TRIM35: variants seen among roughly 807,000 people sequenced by gnomAD.
TRIM35 encodes tripartite motif containing 35.
In TRIM35, 37 loss-of-function variants were observed where a neutral mutation model predicts 49.1. The observed-to-expected ratio is 0.75, with a 90% CI of 0.58 to 0.99. The LOEUF is 0.99. Among genes scored for constraint, TRIM35 ranks in the 50% least tolerant of loss-of-function variants. The probability of loss-of-function intolerance (pLI) is 0.00; values close to 1 mark genes in which losing one functional copy is unlikely to be tolerated. For missense variants in TRIM35, 648 were observed against 702.7 expected, an observed-to-expected ratio of 0.92 and a Z score of 0.88; for synonymous variants, 302 against 289.3, an observed-to-expected ratio of 1.04 and a Z score of -0.45.
chr8:27,285,973 T>C lies in TRIM35; in HGVS notation c.*1577A>G, dbSNP rs1802309746. ...ACATCGCCTACCTGGGCCCTCCTTGTGGCCTTAAGTTTTATCTAACCAGTG... is the reference window on the plus strand; with the variant it reads ...ACATCGCCTACCTGGGCCCTCCTTGCGGCCTTAAGTTTTATCTAACCAGTG... On this transcript the variant is annotated 3_prime_UTR_variant, in exon 6 of 6. Transcript: ENST00000305364. 1 of 389,388 alleles carries C rather than the reference T, an allele frequency of 2.6e-6. No individual in the cohort carries two copies. The highest frequency in any genetic ancestry group is 2.1e-5 in the African/African-American group (1 of 47,808). 24.1% of individuals were successfully genotyped at this position (389,388 alleles called of 1,614,324 possible). A position where few individuals can be genotyped will look rare whatever the true frequency, so the allele number is the denominator to read the frequency against.
chr8:27,287,777 G>T lies in TRIM35; in HGVS notation c.1255C>A (p.Pro419Thr), dbSNP rs1802361575. ...HCVTSDPATS[P>T]LVLAIPRRLR... ...CGGCGTGGGATGGCCAGGACCAGGG[G>T]CGACGTGGCTGGGTCCGAGGTCACG... is the stretch of plus-strand genomic sequence containing the variant. Residue 419 changes from proline (P) to threonine (T), a missense_variant, in exon 6 of 6, where the codon CCC becomes ACC. Pro to Thr is a conservative substitution (Grantham distance 38). Coordinates refer to ENST00000305364, the MANE Select transcript of TRIM35 (RefSeq NM_171982.5). The surrounding 1 kb of genome is among the most constrained non-coding windows in gnomAD (Gnocchi z 6.0). 6.2e-7 allele frequency: 1 copy of T among 1,610,192 alleles called. No individual in the cohort carries two copies. The highest frequency in any genetic ancestry group is 8.5e-7 in the Non-Finnish European group (1 of 1,178,666).
In TRIM35 at chr8:27,286,107, C is replaced by T. The variant is rs1262713887; in HGVS notation, c.*1443G>A. On this transcript the variant is annotated 3_prime_UTR_variant, in exon 6 of 6. Coordinates refer to ENST00000305364, the MANE Select transcript of TRIM35 (RefSeq NM_171982.5). ...CAGAAGGCAGGATGCTGTCCTTGGT[C>T]AGGAATGTGACCCAGATTTTAACAC... 1 of 456,212 alleles carries T rather than the reference C, an allele frequency of 2.2e-6. No individual in the cohort carries two copies. Among genetic ancestry groups the T allele is most frequent in the Admixed American group, 2.3e-5 (1 of 42,580 alleles). The allele number at this position is 456,212 out of a possible 1,614,324, so 28.3% of individuals were successfully genotyped here.
chr8:27,301,586 T>G lies in TRIM35; in HGVS notation c.436-3027A>C, dbSNP rs137951959. On this transcript the variant is annotated intron_variant, in intron 1 of 5. Transcript: ENST00000305364. Reference sequence around the variant, plus strand: ...TTCCTAACTGGTTTGTGGGAATTTATTATATATACACAATGTATGTCCTTG... The same window carrying G: ...TTCCTAACTGGTTTGTGGGAATTTAGTATATATACACAATGTATGTCCTTG... 9.9e-3 allele frequency among the ~76,000 whole-genome samples: 1,507 copies of G among 152,356 alleles called. 33 individuals carry two copies. Among genetic ancestry groups the G allele is most frequent in the African/African-American group, 0.034 (1,412 of 41,576 alleles).
chr8:27,288,145 A>C lies in TRIM35; in HGVS notation c.905-18T>G, dbSNP rs370677333. ...GAAGGGTACTGCAAGCAGAGGCGGA[A>C]ATGGGGAATCAGCAAACCTGAGGTC... On this transcript the variant is annotated intron_variant, in intron 5 of 5. Transcript: ENST00000305364. 1.3e-4 allele frequency: 214 copies of C among 1,588,478 alleles called. 3 individuals are homozygous for C. In the African/African-American group the frequency reaches 2.3e-3, roughly 17 times the overall value.
rs749727253 is a variant in TRIM35, at chr8:27,287,727, C to T, written c.1305G>A (p.Glu435=). The change falls in exon 6 of 6, where the codon GAG becomes GAA. Residue 435 remains glutamate (E), a synonymous_variant. Coordinates refer to ENST00000305364, the MANE Select transcript of TRIM35 (RefSeq NM_171982.5). This position sits in a 1 kb window ranked among gnomAD's most constrained non-coding sequence, Gnocchi z 6.0. ...PRRLRVELEC[E]EGELSFYDAE... is the part of the protein sequence containing the mutation. ...CGTCATAGAAAGACAGCTCGCCCTCCTCACACTCCAGCTCCACACGCAGGC... is the reference window on the plus strand; with the variant it reads ...CGTCATAGAAAGACAGCTCGCCCTCTTCACACTCCAGCTCCACACGCAGGC... 1 of 1,610,710 alleles carries T rather than the reference C, an allele frequency of 6.2e-7. No individual in the cohort carries two copies. The highest frequency in any genetic ancestry group is 8.5e-7 in the Non-Finnish European group (1 of 1,178,800).
intron 1 of TRIM35, among the ~76,000 whole-genome samples, chr8:27,300,570 T>C (rs986371455): frequency 1.3e-5 from 2 of 152,198 alleles, no homozygotes; most frequent in African/African-American, 2.4e-5. Flanking sequence ...TGCTAGGAAA[T>C]AGAGAACTAG....
At chr8:27,289,395 C>T in intron 4 of TRIM35, 115 bp from the exon 5 acceptor site, 2 of 796,734 alleles carry the variant, frequency 2.5e-6, no homozygotes, top group East Asian at 5.3e-5. Flanking sequence ...CCCAAGTTTC[C>T]TGGCCACCTT....
intron 3 of TRIM35, among the ~76,000 whole-genome samples, chr8:27,292,676 G>A (rs187019564): frequency 5.3e-4 from 80 of 152,268 alleles, no homozygotes; most frequent in Middle Eastern, 3.4e-3. Flanking sequence ...ACTCAATTTC[G>A]GTAGCAGTTT....
intron 2 of TRIM35, among the ~76,000 whole-genome samples, chr8:27,297,687 G>C (rs147752950): frequency 6.6e-6 from 1 of 152,376 alleles, no homozygotes; most frequent in African/African-American, 2.4e-5. Flanking sequence ...TCGAGTAAAA[G>C]AGGAGGATGA....
At position 27,310,511 on chromosome 8, in the gene TRIM35, G is replaced by T. The variant is rs139801195; in HGVS notation, c.435+290C>A. ...CTGGGCCACACCCGGCTGGCACAAG[G>T]GGTGCATGGCCTGGGCCCTTCAGAA... On this transcript the variant is annotated intron_variant, in intron 1 of 5. Transcript: ENST00000305364. Among the ~76,000 whole-genome samples the T allele has an allele frequency of 1.5e-3, 231 of 152,378 alleles. 1 individual carries two copies. The Middle Eastern group carries it at 0.027, about 18-fold the overall frequency.
intron 3 of TRIM35, among the ~76,000 whole-genome samples, chr8:27,293,283 G>A (rs564923138): frequency 5.0e-4 from 76 of 151,884 alleles, no homozygotes; most frequent in African/African-American, 1.7e-3. Flanking sequence ...ACCAGCTTTC[G>A]AGCCCAGAAA....
At position 27,311,072 on chromosome 8, in the gene TRIM35, G is replaced by T; in HGVS notation, c.164C>A (p.Pro55His). ...GCGGTCTTTGCACACTGGGCAGGTG[G>T]GCGACACCTGCACCTCCCAGCAGCG... Reference protein sequence around the residue: ...VSRCWEVQVSPTCPVCKDRAS... With the variant: ...VSRCWEVQVSHTCPVCKDRAS... The change falls in exon 1 of 6, where the codon CCC (proline) becomes CAC (histidine). Residue 55 changes from proline to histidine, a missense_variant. Pro to His is a moderately conservative substitution (Grantham distance 77). Transcript: ENST00000305364. 3 of 1,596,456 alleles carry T rather than the reference G, an allele frequency of 1.9e-6. No individual in the cohort carries two copies. The highest frequency in any genetic ancestry group is 2.6e-6 in the Non-Finnish European group (3 of 1,172,456).
rs574464711 is a variant in TRIM35 at position 27,294,479 on chromosome 8, C to T, written c.532-169G>A. 5.3e-5 allele frequency among the ~76,000 whole-genome samples: 8 copies of T among 152,276 alleles called. No homozygotes were observed. In the East Asian group the frequency reaches 1.4e-3, roughly 26 times the overall value. On this transcript the variant is annotated intron_variant, in intron 2 of 5. Transcript: ENST00000305364. Reference sequence around the variant, plus strand: ...TTTATAAGCACAAATTTCTAAGTTCCGATTTCAAATGGGAAAGTCCAACAA... The same window carrying T: ...TTTATAAGCACAAATTTCTAAGTTCTGATTTCAAATGGGAAAGTCCAACAA...
In TRIM35 at chr8:27,287,754, G is replaced by C. The variant is rs1384854315; in HGVS notation, c.1278C>G (p.Arg426=). ...ATSPLVLAIP[R]RLRVELECEE... ...CACACTCCAGCTCCACACGCAGGCG[G>C]CGTGGGATGGCCAGGACCAGGGGCG... The change falls in exon 6 of 6, where the codon CGC becomes CGG. Residue 426 remains arginine, a synonymous_variant. Transcript: ENST00000305364. The surrounding 1 kb of genome is among the most constrained non-coding windows in gnomAD (Gnocchi z 6.0). 6.2e-7 allele frequency: 1 copy of C among 1,610,348 alleles called. No homozygotes were observed.
chr8:27,297,462 G>A (rs1040816378), intron 2 of TRIM35, among the ~76,000 whole-genome samples: 1 of 152,188 alleles, frequency 6.6e-6, no homozygotes, highest in Non-Finnish European at 1.5e-5. Flanking sequence ...TCATTCATTT[G>A]ATTAACAGTT....
chr8:27,310,712 TG>T, intron 1 of TRIM35, 88 bp downstream of exon 1: 1 of 1,418,452 alleles, frequency 7.0e-7, no homozygotes. Flanking sequence ...CACTGGGCTC[TG>T]GCAGGCAGGA....
intron 1 of TRIM35, among the ~76,000 whole-genome samples, chr8:27,310,233 T>C (rs1802892687): frequency 2.0e-5 from 3 of 152,232 alleles, no homozygotes; most frequent in African/African-American, 7.2e-5. Flanking sequence ...TGGGTTTATG[T>C]ATAGTCACTA....
chr8:27,310,668 T>G, intron 1 of TRIM35, 133 bp downstream of exon 1: 2 of 1,029,282 alleles, frequency 1.9e-6, no homozygotes, highest in Admixed American at 2.9e-5. Context: ...GTCGGAGAGG[T>G]GGGGTCCTGC....
At position 27,285,135 on chromosome 8, in the gene TRIM35, C is replaced by G. The variant is rs1802284335; in HGVS notation, c.*2415G>C. 6.6e-6 allele frequency: 1 copy of G among 152,218 alleles called. No homozygotes were observed. The highest frequency in any genetic ancestry group is 1.5e-5 in the Non-Finnish European group (1 of 68,046). The allele number at this position is 152,218 out of a possible 1,614,324, so 9.4% of individuals were successfully genotyped here. A position where few individuals can be genotyped will look rare whatever the true frequency, so the allele number is the denominator to read the frequency against. On this transcript the variant is annotated 3_prime_UTR_variant, in exon 6 of 6. Coordinates refer to ENST00000305364, the MANE Select transcript of TRIM35 (RefSeq NM_171982.5). The stretch of plus-strand genomic sequence containing the variant: ...AAAGATGCTCAATATCATTCGCCAT[C>G]AGGGAAATGCAAACCAAAATCACAA...
Sources: gnomAD v4.1 joint callset for allele counts (sites outside exome capture counted in the v4.1 genomes callset) on GRCh38, gnomAD v4.1.1 for gene constraint, Gnocchi (gnomAD v3.1) non-coding constraint, MANE v1.5 for transcripts, NCBI Gene and HGNC (gene_info 2026-07-23, HGNC 2026-07-21) for gene names.